COL6A3: variants seen among roughly 807,000 people sequenced by gnomAD.
COL6A3 encodes the protein collagen alpha-3(VI) chain.
In COL6A3, 137 loss-of-function variants were observed where a neutral mutation model predicts 274.1. The ratio of observed to expected loss-of-function variants is 0.50; its 90% CI spans 0.44 to 0.58. COL6A3 has a LOEUF of 0.58. Among genes scored for constraint, COL6A3 ranks in the 20% least tolerant of loss-of-function variants. The pLI is 0.00. For missense variants in COL6A3, 3,950 were observed against 4,124.9 expected, an observed-to-expected ratio of 0.96 and a Z score of 1.16; for synonymous variants, 1,650 against 1,650.6, an observed-to-expected ratio of 1.00 and a Z score of 0.01.
intron 39 of COL6A3, among the ~76,000 whole-genome samples, chr2:237,337,331 T>C (rs985565031): frequency 2.6e-5 from 4 of 152,030 alleles, no homozygotes; most frequent in Non-Finnish European, 4.4e-5. Flanking sequence ...AGAGAAAAAA[T>C]ACGAATCATT....
chr2:237,365,961 C>G lies in COL6A3; in HGVS notation c.5575G>C (p.Glu1859Gln). The G allele has an allele frequency of 6.2e-7, 1 of 1,614,030 alleles. No individual in the cohort carries two copies. The highest frequency in any genetic ancestry group is 8.5e-7 in the Non-Finnish European group (1 of 1,180,014). Residue 1859 changes from glutamate to glutamine, a missense_variant, in exon 12 of 44, where the codon GAG (glutamate) becomes CAG (glutamine). Coordinates refer to ENST00000295550, the MANE Select transcript of COL6A3 (RefSeq NM_004369.4). ...TTCAAGATGGCGTCCACCTTGGACT[C>G]GAAGCCCTTCTGGGCCACAAAAACA... Reference protein sequence around the residue: ...QNVFVAQKGFESKVDAILNRI... With the variant: ...QNVFVAQKGFQSKVDAILNRI...
rs769756403 is a variant in COL6A3, at chr2:237,334,785, C to T, written c.9070G>A (p.Val3024Ile). ...AGGGACTGATCATGGGCTGAGGTGA[C>T]GGTGAGGTCATAAAAATAAGGACCG... The part of the protein sequence containing the change: ...PPGPYFYDLT[V>I]TSAHDQSLVL... Residue 3024 changes from valine (V) to isoleucine (I), a missense_variant, in exon 41 of 44, where the codon GTC becomes ATC. By Grantham distance (29) the Val-to-Ile change is conservative (BLOSUM62 3). Coordinates refer to ENST00000295550, the MANE Select transcript of COL6A3 (RefSeq NM_004369.4). 29 of 1,614,090 alleles carry T rather than the reference C, an allele frequency of 1.8e-5. No homozygotes were observed. The highest frequency in any genetic ancestry group is 2.3e-5 in the Non-Finnish European group (27 of 1,180,008).
intron 1 of COL6A3, among the ~76,000 whole-genome samples, chr2:237,397,325 G>A (rs1015062674): frequency 1.4e-5 from 2 of 143,454 alleles, no homozygotes; most frequent in African/African-American, 2.6e-5. Context: ...AAAGGAAGGC[G>A]AGAGGGAGGG....
At position 237,374,645 on chromosome 2, in the gene COL6A3, C is replaced by T. The variant is rs36062562; in HGVS notation, c.3446G>A (p.Arg1149Gln). Residue 1149 changes from arginine to glutamine, a missense_variant, in exon 8 of 44, where the codon CGG becomes CAG. Arg to Gln is a conservative substitution (Grantham distance 43). This residue lies in a region of COL6A3 where 1,934 missense variants were observed against 1,984.3 expected (regional missense o/e 0.97). Coordinates refer to ENST00000295550, the MANE Select transcript of COL6A3 (RefSeq NM_004369.4). The surrounding 1 kb of genome is among the most constrained non-coding windows in gnomAD (Gnocchi z 4.8). ...LTADRSGDDV[R>Q]NPSVVVKRGG... ...CCTCTTCACGACCACGGAGGGGTTC[C>T]GCACATCATCCCCAGACCTGTCGGC... 4.6e-4 allele frequency: 738 copies of T among 1,614,144 alleles called. 6 individuals are homozygous for T. The African/African-American group carries it at 8.2e-3, about 18-fold the overall frequency.
chr2:237,359,340 A>G, intron 18 of COL6A3, 22 bp downstream of exon 18: 1 of 1,614,204 alleles, frequency 6.2e-7, no homozygotes, highest in Non-Finnish European at 8.5e-7. Flanking sequence ...TCCATTTGTA[A>G]AACAAAACCA....
At chr2:237,337,936 A>G (rs1336088520) in intron 39 of COL6A3, among the ~76,000 whole-genome samples, 1 of 152,052 alleles carries the variant, frequency 6.6e-6, no homozygotes, top group African/African-American at 2.4e-5. Flanking sequence ...CCATCATTAC[A>G]TGTTATCACA....
At position 237,407,228 on chromosome 2, in the gene COL6A3, A is replaced by G. The variant is rs1481575511; in HGVS notation, c.-31+6725T>C. ...CACCTGGCCTTTGAATTTCTATTCT[A>G]TGAAAATACTCTAGAACAATAATCT... On this transcript the variant is annotated intron_variant, in intron 1 of 43. Transcript: ENST00000295550. This position sits in a 1 kb window ranked among gnomAD's most constrained non-coding sequence, Gnocchi z 4.3. 1.3e-5 allele frequency among the ~76,000 whole-genome samples: 2 copies of G among 152,180 alleles called. No homozygotes were observed. Among genetic ancestry groups the G allele is most frequent in the African/African-American group, 2.4e-5 (1 of 41,430 alleles).
At chr2:237,398,136 CA>C (rs1252396127) in intron 1 of COL6A3, among the ~76,000 whole-genome samples, 1 of 152,240 alleles carries the variant, frequency 6.6e-6, no homozygotes, top group Non-Finnish European at 1.5e-5. Context: ...AAGCCTTGTC[CA>C]TATTCTCTAT....
intron 3 of COL6A3, among the ~76,000 whole-genome samples, chr2:237,391,618 C>T (rs2078291323): frequency 6.6e-6 from 1 of 152,058 alleles, no homozygotes; most frequent in Non-Finnish European, 1.5e-5. Flanking sequence ...CTGCAACCTC[C>T]ACCTCCTGGA....
In COL6A3 at chr2:237,365,779, G is replaced by C; in HGVS notation, c.5757C>G (p.Ser1919Arg). ...EMLEKFRNMRSQHPYVLTEDT... is the reference protein window; with the variant it reads ...EMLEKFRNMRRQHPYVLTEDT... Reference sequence around the variant, plus strand: ...CCTCCGTGAGGACGTAGGGGTGCTGGCTGCGCATGTTCCGGAACTTCTCGA... The same window carrying C: ...CCTCCGTGAGGACGTAGGGGTGCTGCCTGCGCATGTTCCGGAACTTCTCGA... Residue 1919 changes from serine to arginine, a missense_variant, in exon 12 of 44, where the codon AGC (serine) becomes AGG (arginine). Physicochemically the swap from Ser to Arg is moderately radical, Grantham distance 110 (BLOSUM62 -1). Coordinates refer to ENST00000295550, the MANE Select transcript of COL6A3 (RefSeq NM_004369.4). 6.2e-7 allele frequency: 1 copy of C among 1,614,148 alleles called. No homozygotes were observed. Among genetic ancestry groups the C allele is most frequent in the Non-Finnish European group, 8.5e-7 (1 of 1,180,024 alleles).
At position 237,389,565 on chromosome 2, in the gene COL6A3, A is replaced by G. The variant is rs550257360; in HGVS notation, c.710-1381T>C. On this transcript the variant is annotated intron_variant, in intron 3 of 43. Transcript: ENST00000295550. ...AAATTGTTTTTGTTCTCACTGTAGA[A>G]AAGGATCCAAAGCTTGTCTCACAAA... Among the ~76,000 whole-genome samples, 45 of 152,310 alleles carry G rather than the reference A, an allele frequency of 3.0e-4. No homozygotes were observed. The Middle Eastern group carries it at 0.017, about 58-fold the overall frequency.
intron 40 of COL6A3, among the ~76,000 whole-genome samples, chr2:237,335,354 C>T (rs890493762): frequency 2.0e-5 from 3 of 152,162 alleles, no homozygotes; most frequent in Non-Finnish European, 4.4e-5. Context: ...CAGCTTGTGA[C>T]ATTCGGTAGT....
At position 237,379,057 on chromosome 2, in the gene COL6A3, A is replaced by G. The variant is rs374296030; in HGVS notation, c.2076T>C (p.Ser692=). The part of the protein sequence containing the change: ...QFSDTPVTEF[S]LNTYQTKSDI... ...CTGACTTGGTCTGGTATGTGTTTAA[A>G]GAGAACTCCGTTACAGGAGTGTCAC... The change falls in exon 6 of 44, where the codon TCT becomes TCC. Residue 692 remains serine, a synonymous_variant. Transcript: ENST00000295550. 3 of 1,614,258 alleles carry G rather than the reference A, an allele frequency of 1.9e-6. No homozygotes were observed. Among genetic ancestry groups the G allele is most frequent in the Non-Finnish European group, 2.5e-6 (3 of 1,180,046 alleles).
chr2:237,336,356 G>A lies in COL6A3; in HGVS notation c.8744C>T (p.Ala2915Val), dbSNP rs751532649. ...CACAGGCTTGGCAGCCACAGGTTTCGCAGGGGCCGGCTTTGCAGCGGCTGG... is the reference window on the plus strand; with the variant it reads ...CACAGGCTTGGCAGCCACAGGTTTCACAGGGGCCGGCTTTGCAGCGGCTGG... ...VKPAAAKPAP[A>V]KPVAAKPVAT... Residue 2915 changes from alanine (A) to valine (V), a missense_variant, in exon 40 of 44, where the codon GCG becomes GTG. By Grantham distance (64) the Ala-to-Val change is moderately conservative. This residue lies in a region of COL6A3 where 1,284 missense variants were observed against 1,349.7 expected (regional missense o/e 0.95). Transcript: ENST00000295550. 3.8e-5 allele frequency: 61 copies of A among 1,613,556 alleles called. No homozygotes were observed. Among genetic ancestry groups the A allele is most frequent in the East Asian group, 1.1e-4 (5 of 44,884 alleles).
At chr2:237,349,616 T>C (rs1339241972) in intron 28 of COL6A3, among the ~76,000 whole-genome samples, 3 of 152,240 alleles carry the variant, frequency 2.0e-5, no homozygotes, top group Admixed American at 6.5e-5. Flanking sequence ...CTTTATTCTT[T>C]TGTAACGTAG....
rs189356869 is a variant in COL6A3 at position 237,377,113 on chromosome 2, G to A, written c.2729C>T (p.Thr910Met). The A allele has an allele frequency of 4.7e-5, 76 of 1,614,168 alleles. No individual in the cohort carries two copies. Among genetic ancestry groups the A allele is most frequent in the Admixed American group, 3.7e-4 (22 of 60,018 alleles). ...LNLVKRMKIKTGKALNLGYAL... is the reference protein window; with the variant it reads ...LNLVKRMKIKMGKALNLGYAL... ...GTAGCCCAGGTTGAGGGCTTTGCCC[G>A]TCTTGATCTTCATTCTCTTCACAAG... is the stretch of plus-strand genomic sequence containing the variant. Residue 910 changes from threonine (T) to methionine (M), a missense_variant, in exon 7 of 44, where the codon ACG becomes ATG. By Grantham distance (81) the Thr-to-Met change is moderately conservative. This residue lies in a region of COL6A3 where 1,934 missense variants were observed against 1,984.3 expected (regional missense o/e 0.97). Coordinates refer to ENST00000295550, the MANE Select transcript of COL6A3 (RefSeq NM_004369.4).
chr2:237,401,735 A>T (rs2078595728), intron 1 of COL6A3, among the ~76,000 whole-genome samples: 1 of 151,710 alleles, frequency 6.6e-6, no homozygotes, highest in African/African-American at 2.4e-5. Context: ...CCCAGACTGG[A>T]GTGCAGTGTC....
Position 237,341,005 on chromosome 2 carries a change from C to T in COL6A3, c.7911G>A (p.Glu2637=). Reference sequence around the variant, plus strand: ...CCAGGTACGCTATGTACTTCTTCATCTCATTGAACTGGAACAGGGTGGTGG... The same window carrying T: ...CCAGGTACGCTATGTACTTCTTCATTTCATTGAACTGGAACAGGGTGGTGG... ...AETTTLFQFN[E]MKKYIAYLVR... Residue 2637 remains glutamate (E), a synonymous_variant, in exon 38 of 44, where the codon GAG becomes GAA. Coordinates refer to ENST00000295550, the MANE Select transcript of COL6A3 (RefSeq NM_004369.4). The T allele has an allele frequency of 6.2e-7, 1 of 1,614,190 alleles. No homozygotes were observed. The highest frequency in any genetic ancestry group is 1.7e-5 in the Admixed American group (1 of 60,026).
At chr2:237,360,049 C>A (rs1157010537) in intron 17 of COL6A3, 39 bp downstream of exon 17, 4 of 1,606,814 alleles carry the variant, frequency 2.5e-6, no homozygotes, top group Non-Finnish European at 3.4e-6. Context: ...AGTCACCTGA[C>A]CCCTCCCCAC....
Sources: gnomAD v4.1 joint callset for allele counts (sites outside exome capture counted in the v4.1 genomes callset) on GRCh38, gnomAD v4.1.1 for gene constraint, gnomAD v4.1.1 regional missense constraint, Gnocchi (gnomAD v3.1) non-coding constraint, MANE v1.5 for transcripts, NCBI Gene and HGNC (gene_info 2026-07-23, HGNC 2026-07-21) for gene names.